GRID2: variants seen among roughly 807,000 people sequenced by gnomAD.
GRID2 encodes glutamate ionotropic receptor delta type subunit 2.
In GRID2, 33 loss-of-function variants were observed where a neutral mutation model predicts 114.8. The observed-to-expected ratio is 0.29, with a 90% CI of 0.22 to 0.38. GRID2 has a LOEUF of 0.38. GRID2 is among the 10% of genes least tolerant of loss of function. The pLI, the probability that GRID2 is intolerant of heterozygous loss-of-function variation, is 1.00. For missense variants in GRID2, 1,184 were observed against 1,257.7 expected, an observed-to-expected ratio of 0.94 and a Z score of 0.89; for synonymous variants, 505 against 449.9, an observed-to-expected ratio of 1.12 and a Z score of -1.55.
chr4:92,355,334 C>T (rs1728268804), intron 1 of GRID2, among the ~76,000 whole-genome samples: 1 of 151,678 alleles, frequency 6.6e-6, no homozygotes, highest in South Asian at 2.1e-4. Flanking sequence ...TAGGCACTGT[C>T]TACATAGGCA....
chr4:93,111,445 T>G (rs1384131067), intron 4 of GRID2, among the ~76,000 whole-genome samples: 2 of 152,198 alleles, frequency 1.3e-5, no homozygotes, highest in African/African-American at 4.8e-5. Context: ...TCTGAAACTC[T>G]GTAAAGTGAT....
chr4:93,079,848 T>G (rs1249800494), intron 2 of GRID2, among the ~76,000 whole-genome samples: 1 of 152,140 alleles, frequency 6.6e-6, no homozygotes, highest in East Asian at 1.9e-4. Flanking sequence ...CTGAGTTCAT[T>G]TGATGGCTGG....
At chr4:92,305,154 G>A (rs1725309582) in intron 1 of GRID2, among the ~76,000 whole-genome samples, 1 of 152,102 alleles carries the variant, frequency 6.6e-6, no homozygotes, top group African/African-American at 2.4e-5. Flanking sequence ...GCTGTCACCT[G>A]TGAGATGAAA....
intron 1 of GRID2, among the ~76,000 whole-genome samples, chr4:92,585,891 GACA>G (rs1169235315): frequency 6.6e-6 from 1 of 151,812 alleles, no homozygotes; most frequent in Non-Finnish European, 1.5e-5. Flanking sequence ...TAATGCCTGT[GACA>G]ACAAATTAAC....
intron 1 of GRID2, among the ~76,000 whole-genome samples, chr4:92,337,803 A>C (rs548380462): frequency 6.6e-6 from 1 of 152,290 alleles, no homozygotes; most frequent in East Asian, 1.9e-4. Flanking sequence ...ATCACTAGGC[A>C]AATAAATGGT....
chr4:93,619,613 T>G (rs1742028470), intron 13 of GRID2, among the ~76,000 whole-genome samples: 1 of 152,356 alleles, frequency 6.6e-6, no homozygotes, highest in East Asian at 1.9e-4. Flanking sequence ...TTATTTTAAT[T>G]TTCAAAAGCT....
chr4:93,711,598 G>A (rs1349223059), intron 14 of GRID2, among the ~76,000 whole-genome samples: 1 of 152,128 alleles, frequency 6.6e-6, no homozygotes. Context: ...TTCCCCTCTG[G>A]CTAGGGATGG....
At chr4:92,885,682 T>C (rs1746321253) in intron 2 of GRID2, among the ~76,000 whole-genome samples, 1 of 152,228 alleles carries the variant, frequency 6.6e-6, no homozygotes, top group Admixed American at 6.5e-5. Context: ...CAGAAATTAC[T>C]TTTTGATTGA....
At chr4:93,659,681 T>C (rs571628236) in intron 14 of GRID2, among the ~76,000 whole-genome samples, 1 of 152,140 alleles carries the variant, frequency 6.6e-6, no homozygotes, top group African/African-American at 2.4e-5. Flanking sequence ...AGAGATATAA[T>C]GAAAGTTTAA....
chr4:92,386,975 T>C (rs1729991740), intron 1 of GRID2, among the ~76,000 whole-genome samples: 1 of 151,922 alleles, frequency 6.6e-6, no homozygotes, highest in African/African-American at 2.4e-5. Context: ...TATCTGTGTT[T>C]ACTCTGTTTC....
At chr4:93,795,418 T>G (rs769522393) in intron 1 of GRID2, among the ~76,000 whole-genome samples, 3 of 152,006 alleles carry the variant, frequency 2.0e-5, no homozygotes, top group Admixed American at 6.6e-5. Context: ...AATGACAGAT[T>G]TCCATTAAGT....
intron 4 of GRID2, among the ~76,000 whole-genome samples, chr4:93,202,445 G>A (rs1214594279): frequency 1.3e-5 from 2 of 152,042 alleles, no homozygotes; most frequent in Admixed American, 6.6e-5. Context: ...TTTCAAATAC[G>A]TTCACTGCTA....
chr4:92,661,455 T>C (rs539032086), intron 2 of GRID2, among the ~76,000 whole-genome samples: 31 of 151,096 alleles, frequency 2.1e-4, no homozygotes, highest in African/African-American at 7.2e-4. Flanking sequence ...TAGTGTGGAA[T>C]GATTCCTATT....
intron 14 of GRID2, among the ~76,000 whole-genome samples, chr4:93,764,313 G>C (rs1201625608): frequency 6.6e-6 from 1 of 151,912 alleles, no homozygotes; most frequent in East Asian, 1.9e-4. Context: ...AAATTTTTCT[G>C]TTCAATGGGA....
chr4:92,928,397 A>G (rs1194358020), intron 2 of GRID2, among the ~76,000 whole-genome samples: 6 of 151,666 alleles, frequency 4.0e-5, no homozygotes, highest in African/African-American at 7.2e-5. Context: ...CAACTCAGCA[A>G]TAATCTCATA....
chr4:92,482,958 T>C (rs750500091), intron 1 of GRID2, among the ~76,000 whole-genome samples: 2 of 152,150 alleles, frequency 1.3e-5, no homozygotes, highest in Non-Finnish European at 2.9e-5. Flanking sequence ...TGTTGCAACA[T>C]AGGATTGTAT....
intron 8 of GRID2, chr4:93,258,876 CCT>C (rs1289517819): frequency 4.4e-6 from 2 of 453,818 alleles, no homozygotes; most frequent in South Asian, 3.1e-5. Flanking sequence ...CATTTATTAT[CCT>C]CTCTTTTCCA....
intron 2 of GRID2, among the ~76,000 whole-genome samples, chr4:92,724,461 A>C (rs761565158): frequency 4.6e-5 from 7 of 152,182 alleles, no homozygotes; most frequent in Admixed American, 1.3e-4. Flanking sequence ...TTTTTAAAAA[A>C]AGTTGCACTT....
At chr4:92,389,521 T>C (rs1196297354) in intron 1 of GRID2, among the ~76,000 whole-genome samples, 1 of 152,102 alleles carries the variant, frequency 6.6e-6, no homozygotes, top group African/African-American at 2.4e-5. Flanking sequence ...TTTTAATATC[T>C]AATTGAGTCT....
Sources: allele counts gnomAD v4.1 joint callset (sites outside exome capture counted in the v4.1 genomes callset), GRCh38; gene constraint gnomAD v4.1.1; transcripts MANE v1.5; gene names NCBI Gene and HGNC (gene_info 2026-07-23, HGNC 2026-07-21).